Variants in FAT3 observed in about 807,000 individuals in gnomAD.
FAT3 encodes protocadherin Fat 3.
FAT3 carries 95 observed loss-of-function variants against 310.2 expected under a neutral mutation model. That is an observed-to-expected ratio of 0.31 (90% CI 0.26 to 0.36). FAT3 has a LOEUF of 0.36. FAT3 is among the 10% of genes least tolerant of loss of function. FAT3 has a pLI of 1.00. For synonymous variants in FAT3, 2,314 were observed against 2,192.9 expected (o/e 1.06, Z -1.54); for missense variants, 5,408 against 5,715.6 (o/e 0.95, Z 1.74).
intron 3 of FAT3, among the ~76,000 whole-genome samples, chr11:92,666,828 C>T (rs1942969737): frequency 6.6e-6 from 1 of 152,080 alleles, no homozygotes; most frequent in Non-Finnish European, 1.5e-5. Context: ...GGGGAAAGAG[C>T]ATGAAGCAAG....
At chr11:92,360,246 TC>T (rs1274583731) in intron 2 of FAT3, among the ~76,000 whole-genome samples, 21 of 152,200 alleles carry the variant, frequency 1.4e-4, no homozygotes, top group Non-Finnish European at 2.6e-4. Flanking sequence ...ATGAGTGAAC[TC>T]CCATTCACAA....
chr11:92,633,163 T>C (rs1941620643), intron 3 of FAT3, among the ~76,000 whole-genome samples: 1 of 152,222 alleles, frequency 6.6e-6, no homozygotes, highest in Admixed American at 6.5e-5. Flanking sequence ...ATAAATGGCT[T>C]TGCAAACAAA....
intron 4 of FAT3, among the ~76,000 whole-genome samples, chr11:92,707,503 C>T (rs534674732): frequency 5.3e-5 from 8 of 152,256 alleles, no homozygotes; most frequent in Middle Eastern, 3.4e-3. Context: ...GAGCCTATTA[C>T]CCTGAAGGGT....
intron 3 of FAT3, among the ~76,000 whole-genome samples, chr11:92,540,290 C>T (rs1208236913): frequency 6.6e-6 from 1 of 152,066 alleles, no homozygotes; most frequent in African/African-American, 2.4e-5. Context: ...GAAGACTCCT[C>T]CCATAGAGTG....
rs762544243 is a variant in FAT3, at chr11:92,806,432, A to T, written c.9164A>T (p.Asp3055Val). Residue 3055 changes from aspartate (D) to valine (V), a missense_variant, in exon 12 of 28, where the codon GAT (aspartate) becomes GTT (valine). Physicochemically the swap from Asp to Val is radical, Grantham distance 152. Coordinates refer to ENST00000525166, the MANE Select transcript of FAT3 (RefSeq NM_001367949.2). ...ATCATCCTGAAAGTCAGTGCAAAGG[A>T]TGCTGATATTGGATCCAATGGATAT... ...NKIILKVSAKDADIGSNGYIR... is the reference protein window; with the variant it reads ...NKIILKVSAKVADIGSNGYIR... 6.3e-7 allele frequency: 1 copy of T among 1,587,312 alleles called. No individual in the cohort carries two copies. Among genetic ancestry groups the T allele is most frequent in the Non-Finnish European group, 8.6e-7 (1 of 1,165,204 alleles).
chr11:92,331,831 G>A (rs1273655033), intron 1 of FAT3, among the ~76,000 whole-genome samples: 2 of 152,160 alleles, frequency 1.3e-5, no homozygotes, highest in Non-Finnish European at 2.9e-5. Flanking sequence ...ATTTGTAAGT[G>A]GAAAAATAAT....
intron 3 of FAT3, among the ~76,000 whole-genome samples, chr11:92,693,093 C>T (rs2135893997): frequency 6.6e-6 from 1 of 152,232 alleles, no homozygotes; most frequent in South Asian, 2.1e-4. Flanking sequence ...TCTTCCATCT[C>T]CATAACAAAA....
At chr11:92,838,290 C>A (rs192608169) in intron 17 of FAT3, among the ~76,000 whole-genome samples, 103 of 152,318 alleles carry the variant, frequency 6.8e-4, no homozygotes, top group Non-Finnish European at 1.2e-3. Context: ...CAGTCAAAGA[C>A]AGATTGGGCA....
intron 2 of FAT3, among the ~76,000 whole-genome samples, chr11:92,409,337 A>C (rs955929697): frequency 1.3e-5 from 2 of 152,128 alleles, no homozygotes; most frequent in Non-Finnish European, 2.9e-5. Flanking sequence ...AGAGATAAGC[A>C]TATTTTTCTC....
intron 22 of FAT3, among the ~76,000 whole-genome samples, chr11:92,876,658 G>A (rs2136383286): frequency 6.6e-6 from 1 of 152,254 alleles, no homozygotes; most frequent in South Asian, 2.1e-4. Flanking sequence ...TCCTCCACTT[G>A]GAAATATATA....
intron 3 of FAT3, among the ~76,000 whole-genome samples, chr11:92,530,558 A>C (rs1446008102): frequency 6.6e-6 from 1 of 151,874 alleles, no homozygotes; most frequent in African/African-American, 2.4e-5. Flanking sequence ...CATGAGCAAA[A>C]TATCACATGG....
At chr11:92,775,049 A>G (rs1039837590) in intron 7 of FAT3, among the ~76,000 whole-genome samples, 2 of 152,106 alleles carry the variant, frequency 1.3e-5, no homozygotes, top group African/African-American at 4.8e-5. Flanking sequence ...ACACATGCAT[A>G]TGCTGTAACC....
intron 2 of FAT3, chr11:92,366,625 A>G (rs1949029905): frequency 3.8e-6 from 2 of 532,946 alleles, no homozygotes; most frequent in Admixed American, 1.9e-5. Flanking sequence ...ACCAGTTGAC[A>G]GGTTCAGCTC....
chr11:92,730,855 A>T (rs1400436772), intron 4 of FAT3, among the ~76,000 whole-genome samples: 2 of 152,298 alleles, frequency 1.3e-5, no homozygotes, highest in Middle Eastern at 3.4e-3. Context: ...TGTAGTTTTT[A>T]AAATTTTTTT....
chr11:92,658,566 T>C (rs1303393109), intron 3 of FAT3, among the ~76,000 whole-genome samples: 1 of 152,154 alleles, frequency 6.6e-6, no homozygotes, highest in Non-Finnish European at 1.5e-5. Flanking sequence ...TGCTCTGAGT[T>C]CATCCAGTTT....
At position 92,799,170 on chromosome 11, in the gene FAT3, G is replaced by C. The variant is rs772353006; in HGVS notation, c.6157G>C (p.Val2053Leu). Reference sequence around the variant, plus strand: ...TGAAGAACAAGAGTTATATGAGCTGGTGGTAGAAGCCAGCCGTGAGCTGGA... The same window carrying C: ...TGAAGAACAAGAGTTATATGAGCTGCTGGTAGAAGCCAGCCGTGAGCTGGA... ...DREEQELYEL[V>L]VEASRELDHL... The change falls in exon 10 of 28, where the codon GTG (valine) becomes CTG (leucine). Residue 2053 changes from valine to leucine, a missense_variant. This residue lies in a region of FAT3 where 4,588 missense variants were observed against 4,809.8 expected (regional missense o/e 0.95). Transcript: ENST00000525166. 1.2e-6 allele frequency: 2 copies of C among 1,613,974 alleles called. No individual in the cohort carries two copies. The highest frequency in any genetic ancestry group is 3.3e-5 in the Admixed American group (2 of 60,024).
intron 1 of FAT3, among the ~76,000 whole-genome samples, chr11:92,290,774 T>A (rs991974922): frequency 1.1e-4 from 17 of 150,560 alleles, no homozygotes; most frequent in African/African-American, 2.9e-4. Flanking sequence ...AAAAAAAAAA[T>A]AATAAATGAA....
chr11:92,445,618 T>C (rs1344990740), intron 2 of FAT3, among the ~76,000 whole-genome samples: 1 of 152,170 alleles, frequency 6.6e-6, no homozygotes, highest in Non-Finnish European at 1.5e-5. Context: ...GTGATTCTAA[T>C]GGTAATTTAG....
chr11:92,528,353 G>A lies in FAT3; in HGVS notation c.3607+3405G>A, dbSNP rs548876420. ...AGCCTACCCCCATGTCTGAGGTGGA[G>A]ATACCATCAGGCCGGTGTTCACTTG... On this transcript the variant is annotated intron_variant, in intron 3 of 27. Coordinates refer to ENST00000525166, the MANE Select transcript of FAT3 (RefSeq NM_001367949.2). Among the ~76,000 whole-genome samples the A allele has an allele frequency of 4.6e-5, 7 of 152,324 alleles. No homozygotes were observed. In the South Asian group the frequency reaches 1.5e-3, roughly 32 times the overall value.
Sources: allele counts gnomAD v4.1 joint callset (sites outside exome capture counted in the v4.1 genomes callset), GRCh38; gene constraint gnomAD v4.1.1; regional missense constraint gnomAD v4.1.1; transcripts MANE v1.5; gene names NCBI Gene and HGNC (gene_info 2026-07-23, HGNC 2026-07-21).